Variants in ATP11C observed in about 807,000 individuals in gnomAD.
ATP11C encodes the protein ATPase phospholipid transporting 11C (ATP11C blood group).
A neutral mutation model predicts 97.4 loss-of-function variants in ATP11C; 36 were observed. The ratio of observed to expected loss-of-function variants is 0.37; its 90% CI spans 0.28 to 0.49. The LOEUF (loss-of-function observed/expected upper bound fraction) is 0.49, where lower values mean the gene tolerates loss of function less well. Ranked by LOEUF, ATP11C falls within the 20% of genes least tolerant of loss-of-function variation. ATP11C has a pLI of 0.98. For synonymous variants in ATP11C, 275 were observed against 290.9 expected, an observed-to-expected ratio of 0.95 and a Z score of 0.56; for missense variants, 730 against 824.6, an observed-to-expected ratio of 0.89 and a Z score of 1.40.
At chrX:139,773,762 G>A (rs927635592) in intron 19 of ATP11C, among the ~76,000 whole-genome samples, 9 of 112,447 alleles carry the variant, frequency 8.0e-5, no homozygotes, top group African/African-American at 2.9e-4. Flanking sequence ...AAACATTAGC[G>A]ATGAGGATAC....
At chrX:139,798,401 C>T (rs768716572) in intron 9 of ATP11C, 47 bp from the exon 10 acceptor site, 5 of 984,742 alleles carry the variant, frequency 5.1e-6, no homozygotes, top group Non-Finnish European at 7.1e-6. Flanking sequence ...TGTCAACCAA[C>T]TCCTCACCCA....
chrX:139,838,645 G>T (rs781371137), intron 1 of ATP11C, among the ~76,000 whole-genome samples: 1 of 112,562 alleles, frequency 8.9e-6, no homozygotes, highest in Non-Finnish European at 1.9e-5. Context: ...GATCATAGCA[G>T]AACTATTCAA....
intron 1 of ATP11C, among the ~76,000 whole-genome samples, chrX:139,911,414 A>T (rs2085072481): frequency 8.9e-6 from 1 of 112,152 alleles, no homozygotes; most frequent in Non-Finnish European, 1.9e-5. Flanking sequence ...AATTAATATC[A>T]TCGTGAAATA....
At chrX:139,737,675 A>T in intron 28 of ATP11C, 1 of 403,055 alleles carries the variant, frequency 2.5e-6, no homozygotes, top group Non-Finnish European at 4.5e-6. Flanking sequence ...AGCATATGAG[A>T]TACTCCATAT....
intron 12 of ATP11C, among the ~76,000 whole-genome samples, chrX:139,790,776 T>C (rs976405715): frequency 1.8e-5 from 2 of 111,667 alleles, no homozygotes; most frequent in African/African-American, 3.3e-5. Flanking sequence ...TTACTATACA[T>C]ATTTTGAAAA....
chrX:139,871,616 G>T (rs1289883599), intron 1 of ATP11C, among the ~76,000 whole-genome samples: 1 of 106,138 alleles, frequency 9.4e-6, no homozygotes, highest in Non-Finnish European at 1.9e-5. Flanking sequence ...ACCTCCATGG[G>T]CTCAGGTGAT....
intron 1 of ATP11C, among the ~76,000 whole-genome samples, chrX:139,903,022 A>G (rs1177454447): frequency 8.9e-6 from 1 of 112,076 alleles, no homozygotes; most frequent in Non-Finnish European, 1.9e-5. Context: ...AAAGCTATAT[A>G]TATTTACCAA....
At chrX:139,739,099 C>T (rs983710506) in intron 27 of ATP11C, among the ~76,000 whole-genome samples, 9 of 110,831 alleles carry the variant, frequency 8.1e-5, no homozygotes, top group Non-Finnish European at 1.7e-4. Flanking sequence ...GCTACACAGG[C>T]TTTCTGGGAA....
At position 139,745,875 on chromosome X, in the gene ATP11C, GA is replaced by G. The variant is rs761382190; in HGVS notation, c.2829-19del. The G allele has an allele frequency of 9.3e-4, 1,097 of 1,184,678 alleles. No individual in the cohort carries two copies. The highest frequency in any genetic ancestry group is 2.0e-3 in the Admixed American group (81 of 40,716). ...AAATTTTCCTATTGAGAAATGGGGG[GA>G]AAAAACCATTAGTGAAACTTTTCAT... On this transcript the variant is annotated intron_variant, in intron 24 of 29. Transcript: ENST00000682941.
At chrX:139,763,487 G>T in intron 20 of ATP11C, 69 bp from the exon 21 acceptor site, 1 of 789,295 alleles carries the variant, frequency 1.3e-6, no homozygotes, top group Non-Finnish European at 1.9e-6. Flanking sequence ...TACTTTAGGG[G>T]TTTATGCCTC....
At chrX:139,747,248 G>T (rs1011525792) in intron 24 of ATP11C, among the ~76,000 whole-genome samples, 2 of 112,057 alleles carry the variant, frequency 1.8e-5, no homozygotes, top group African/African-American at 6.5e-5. Context: ...ACTGACTTGG[G>T]CTGGGGAAGA....
chrX:139,756,982 A>C (rs1287936481), intron 23 of ATP11C, among the ~76,000 whole-genome samples: 3 of 107,519 alleles, frequency 2.8e-5, no homozygotes, highest in Non-Finnish European at 5.7e-5. Context: ...AAAAAAAAAA[A>C]AAAAAAAAAA....
intron 2 of ATP11C, among the ~76,000 whole-genome samples, chrX:139,819,824 G>T (rs2083365498): frequency 2.7e-5 from 3 of 111,985 alleles, no homozygotes; most frequent in South Asian, 3.7e-4. Flanking sequence ...ATAGGAGCAG[G>T]TTGTTCACCT....
intron 1 of ATP11C, among the ~76,000 whole-genome samples, chrX:139,849,612 C>T (rs958320718): frequency 8.9e-6 from 1 of 112,269 alleles, no homozygotes. Context: ...TCAGCCCTCT[C>T]TCTGTAGGCT....
intron 19 of ATP11C, among the ~76,000 whole-genome samples, chrX:139,770,246 A>G (rs1269791177): frequency 1.8e-5 from 2 of 112,280 alleles, no homozygotes; most frequent in African/African-American, 6.5e-5. Flanking sequence ...AGAAGCATAC[A>G]TGAGAGAACT....
intron 1 of ATP11C, among the ~76,000 whole-genome samples, chrX:139,881,885 C>A (rs1156345782): frequency 8.9e-6 from 1 of 112,135 alleles, no homozygotes; most frequent in Non-Finnish European, 1.9e-5. Flanking sequence ...TTTTCAACTG[C>A]CAGGAAGACA....
intron 1 of ATP11C, among the ~76,000 whole-genome samples, chrX:139,897,931 CA>C (rs376963849): frequency 0.011 from 794 of 72,305 alleles, 6 homozygotes; most frequent in Middle Eastern, 0.022. Flanking sequence ...AACCCTGTGT[CA>C]AAAAAAAAAA....
At chrX:139,770,769 A>C (rs1358262897) in intron 19 of ATP11C, among the ~76,000 whole-genome samples, 1 of 111,581 alleles carries the variant, frequency 9.0e-6, no homozygotes, top group African/African-American at 3.3e-5. Flanking sequence ...GATCTGAGAC[A>C]GTGACAGTAA....
At chrX:139,812,551 T>G (rs1191256977) in intron 5 of ATP11C, among the ~76,000 whole-genome samples, 1 of 108,965 alleles carries the variant, frequency 9.2e-6, no homozygotes, top group East Asian at 2.9e-4. Flanking sequence ...TTGTTGGTTT[T>G]TTTTTTTTTT....
Sources: allele counts gnomAD v4.1 joint callset (sites outside exome capture counted in the v4.1 genomes callset), GRCh38; gene constraint gnomAD v4.1.1; transcripts MANE v1.5; gene names NCBI Gene and HGNC (gene_info 2026-07-23, HGNC 2026-07-21).